LPCAT2: variants seen among roughly 807,000 people sequenced by gnomAD.
LPCAT2 encodes the protein 1-AGP acyltransferase 11.
Under a neutral mutation model 64.7 loss-of-function variants are expected in LPCAT2, and 58 were observed. That is an observed-to-expected ratio of 0.90 (90% CI 0.73 to 1.12). The LOEUF is 1.12. LPCAT2 is among the 50% of genes most tolerant of loss of function. The pLI, the probability that LPCAT2 is intolerant of heterozygous loss-of-function variation, is 0.00. For missense variants in LPCAT2, 579 were observed against 669.8 expected, an observed-to-expected ratio of 0.86 and a Z score of 1.50; for synonymous variants, 252 against 245.3, an observed-to-expected ratio of 1.03 and a Z score of -0.26.
intron 11 of LPCAT2, among the ~76,000 whole-genome samples, chr16:55,564,455 C>A (rs1254388937): frequency 2.0e-5 from 3 of 151,880 alleles, no homozygotes; most frequent in Admixed American, 6.6e-5. Context: ...TTACTTCAAA[C>A]CTACAGTAAT....
At chr16:55,544,868 G>A (rs931397620) in intron 8 of LPCAT2, among the ~76,000 whole-genome samples, 6 of 152,118 alleles carry the variant, frequency 3.9e-5, no homozygotes, top group Admixed American at 6.5e-5. Flanking sequence ...TGACTTGCAT[G>A]CCTTTAGGTA....
chr16:55,549,317 T>A lies in LPCAT2; in HGVS notation c.976T>A (p.Cys326Ser), dbSNP rs745932058. 1.2e-6 allele frequency: 2 copies of A among 1,605,018 alleles called. No individual in the cohort carries two copies. Among genetic ancestry groups the A allele is most frequent in the Admixed American group, 3.4e-5 (2 of 58,378 alleles). ...AGTAACAGATCATACCTATGAAGAC[T>A]GCAGATTGATGATTTCAGCAGGACA... ...IPVTDHTYED[C>S]RLMISAGQLT... The change falls in exon 10 of 14, where the codon TGC becomes AGC. Residue 326 changes from cysteine (C) to serine (S), a missense_variant. Cys to Ser is a moderately radical substitution (Grantham distance 112, BLOSUM62 -1). Coordinates refer to ENST00000262134, the MANE Select transcript of LPCAT2 (RefSeq NM_017839.5).
chr16:55,557,005 T>G (rs943485082), intron 11 of LPCAT2: 2 of 152,230 alleles, frequency 1.3e-5, no homozygotes, highest in Admixed American at 1.3e-4. Context: ...TCGCATGAAC[T>G]GATTTGGTAG....
At chr16:55,577,805 T>A (rs902372067) in intron 12 of LPCAT2, among the ~76,000 whole-genome samples, 1 of 152,102 alleles carries the variant, frequency 6.6e-6, no homozygotes, top group Non-Finnish European at 1.5e-5. Context: ...ACTACCCCGA[T>A]TATCTCTTTC....
intron 11 of LPCAT2, chr16:55,567,207 A>G: frequency 6.2e-7 from 1 of 1,613,908 alleles, no homozygotes; most frequent in Non-Finnish European, 8.5e-7. Flanking sequence ...GTGGAACAAC[A>G]TCAAGAAATG....
At chr16:55,511,705 A>G (rs558161342) in intron 1 of LPCAT2, among the ~76,000 whole-genome samples, 11 of 152,298 alleles carry the variant, frequency 7.2e-5, no homozygotes, top group African/African-American at 2.2e-4. Context: ...GTTAGACACT[A>G]TTATTTGTTG....
At chr16:55,520,700 A>G (rs1963083034) in intron 1 of LPCAT2, among the ~76,000 whole-genome samples, 1 of 151,980 alleles carries the variant, frequency 6.6e-6, no homozygotes, top group Non-Finnish European at 1.5e-5. Context: ...ATCAATAACA[A>G]ATATATCTGA....
intron 11 of LPCAT2, among the ~76,000 whole-genome samples, chr16:55,568,849 G>A (rs1419877060): frequency 6.6e-6 from 1 of 152,130 alleles, no homozygotes; most frequent in Non-Finnish European, 1.5e-5. Flanking sequence ...CCTTGGTTTG[G>A]CTTTATAATT....
chr16:55,511,174 C>T (rs1258475011), intron 1 of LPCAT2, among the ~76,000 whole-genome samples: 1 of 152,080 alleles, frequency 6.6e-6, no homozygotes, highest in African/African-American at 2.4e-5. Flanking sequence ...GTTTGTTGAT[C>T]TTAATATTGA....
intron 7 of LPCAT2, among the ~76,000 whole-genome samples, chr16:55,536,076 A>G (rs1454639632): frequency 2.0e-5 from 3 of 152,204 alleles, no homozygotes; most frequent in Non-Finnish European, 4.4e-5. Flanking sequence ...TGTTTTGTTC[A>G]ATCTATTGCA....
At chr16:55,542,642 T>C (rs1202579495) in intron 8 of LPCAT2, among the ~76,000 whole-genome samples, 2 of 152,170 alleles carry the variant, frequency 1.3e-5, no homozygotes, top group Middle Eastern at 6.8e-3. Context: ...CATACAGAAG[T>C]ATCCGACTCC....
chr16:55,534,599 A>G (rs1333673858), intron 7 of LPCAT2, 122 bp downstream of exon 7: 2 of 475,628 alleles, frequency 4.2e-6, no homozygotes, highest in Non-Finnish European at 7.3e-6. Flanking sequence ...TTAAAAACAT[A>G]AAGATTTCTG....
At chr16:55,556,681 G>T (rs991170285) in intron 11 of LPCAT2, among the ~76,000 whole-genome samples, 1 of 152,164 alleles carries the variant, frequency 6.6e-6, no homozygotes, top group Non-Finnish European at 1.5e-5. Context: ...CCAGGAGGCG[G>T]AGCTTGCAGT....
chr16:55,523,561 G>GA (rs1963128043), intron 1 of LPCAT2, among the ~76,000 whole-genome samples: 1 of 151,712 alleles, frequency 6.6e-6, no homozygotes, highest in Non-Finnish European at 1.5e-5. Context: ...GATAGATCAT[G>GA]ATATATTCAT....
At chr16:55,577,660 G>A (rs1250754423) in intron 12 of LPCAT2, among the ~76,000 whole-genome samples, 1 of 151,994 alleles carries the variant, frequency 6.6e-6, no homozygotes, top group African/African-American at 2.4e-5. Context: ...TTTTGAGTAT[G>A]GAATATTAAT....
At chr16:55,559,044 T>C (rs1272780729) in intron 11 of LPCAT2, among the ~76,000 whole-genome samples, 1 of 152,182 alleles carries the variant, frequency 6.6e-6, no homozygotes, top group Non-Finnish European at 1.5e-5. Flanking sequence ...AGTAGTGGTG[T>C]ATCATTCATC....
chr16:55,528,938 G>A (rs771713707), intron 3 of LPCAT2, among the ~76,000 whole-genome samples: 1 of 152,040 alleles, frequency 6.6e-6, no homozygotes, highest in African/African-American at 2.4e-5. Context: ...GAAAACACAG[G>A]TATATGCTGT....
chr16:55,566,635 G>A (rs1963699738), intron 11 of LPCAT2: 1 of 994,262 alleles, frequency 1.0e-6, no homozygotes, highest in Admixed American at 2.9e-5. Flanking sequence ...CATGGGGCGT[G>A]GTGCAGTGTA....
chr16:55,574,695 C>T lies in LPCAT2; in HGVS notation c.1280C>T (p.Ser427Phe), dbSNP rs1963808077. 1 of 1,613,544 alleles carries T rather than the reference C, an allele frequency of 6.2e-7. No homozygotes were observed. The highest frequency in any genetic ancestry group is 8.5e-7 in the Non-Finnish European group (1 of 1,179,642). ...GGCCTGGCTGTCTTGTGCAACCCTT[C>T]CAACACAGAGGAGATCATCCAGGTG... ...VIGLAVLCNP[S>F]NTEEIIQVAF... Residue 427 changes from serine to phenylalanine, a missense_variant, in exon 12 of 14, where the codon TCC becomes TTC. Transcript: ENST00000262134.
Sources: gnomAD v4.1 joint callset for allele counts (sites outside exome capture counted in the v4.1 genomes callset) on GRCh38, gnomAD v4.1.1 for gene constraint, MANE v1.5 for transcripts, NCBI Gene and HGNC (gene_info 2026-07-23, HGNC 2026-07-21) for gene names.